Variants in ASTN2 observed in about 807,000 individuals in gnomAD.
ASTN2 encodes the protein astrotactin 2.
ASTN2 carries 54 observed loss-of-function variants against 139.8 expected under a neutral mutation model. The ratio of observed to expected loss-of-function variants is 0.39; its 90% CI spans 0.31 to 0.48. The LOEUF is 0.48. Among genes scored for constraint, ASTN2 ranks in the 20% least tolerant of loss-of-function variants. ASTN2 has a pLI of 0.95. For synonymous variants in ASTN2, 756 were observed against 719.5 expected (o/e 1.05, Z -0.81); for missense variants, 1,565 against 1,725.1 (o/e 0.91, Z 1.64).
intron 11 of ASTN2, among the ~76,000 whole-genome samples, chr9:116,845,000 A>G (rs1236023358): frequency 6.6e-6 from 1 of 152,256 alleles, no homozygotes; most frequent in Admixed American, 6.5e-5. Flanking sequence ...ATGTCTGCAG[A>G]AGAGAAAACT....
chr9:116,531,064 T>C (rs766418543), intron 19 of ASTN2, among the ~76,000 whole-genome samples: 18 of 152,214 alleles, frequency 1.2e-4, no homozygotes, highest in Non-Finnish European at 2.2e-4. Flanking sequence ...AATTACTATG[T>C]ATTAATGTAA....
intron 3 of ASTN2, among the ~76,000 whole-genome samples, chr9:117,144,553 G>C (rs899625595): frequency 1.5e-4 from 22 of 151,686 alleles, no homozygotes; most frequent in African/African-American, 5.1e-4. Context: ...GAAAAGGAGG[G>C]ATTAAGGATG....
At chr9:117,368,338 A>G (rs1564169737) in intron 1 of ASTN2, among the ~76,000 whole-genome samples, 2 of 152,108 alleles carry the variant, frequency 1.3e-5, no homozygotes, top group African/African-American at 2.4e-5. Flanking sequence ...AATACAAACA[A>G]AAGAAGTTAT....
At chr9:116,899,123 G>T (rs145595959) in intron 10 of ASTN2, among the ~76,000 whole-genome samples, 42 of 152,288 alleles carry the variant, frequency 2.8e-4, no homozygotes, top group African/African-American at 1.0e-3. Context: ...CAACCATTCA[G>T]CTACACATGA....
intron 12 of ASTN2, among the ~76,000 whole-genome samples, chr9:116,815,762 C>T (rs563535652): frequency 7.5e-6 from 1 of 133,020 alleles, no homozygotes. Flanking sequence ...TGGAGATCGC[C>T]CCACTGCACT....
intron 4 of ASTN2, among the ~76,000 whole-genome samples, chr9:117,140,562 G>A (rs1447804324): frequency 6.6e-6 from 1 of 151,066 alleles, no homozygotes; most frequent in Non-Finnish European, 1.5e-5. Context: ...AGGAGGAGGA[G>A]GAAGAGAAGT....
At chr9:116,988,168 A>G (rs1836739228) in intron 7 of ASTN2, among the ~76,000 whole-genome samples, 2 of 152,238 alleles carry the variant, frequency 1.3e-5, no homozygotes, top group African/African-American at 4.8e-5. Context: ...GTGGTGAGAG[A>G]CAAATTTAAA....
intron 19 of ASTN2, among the ~76,000 whole-genome samples, chr9:116,599,488 T>C (rs1854758801): frequency 1.3e-5 from 2 of 152,252 alleles, no homozygotes; most frequent in African/African-American, 2.4e-5. Flanking sequence ...CATATATCAT[T>C]TCATCTGTTG....
intron 1 of ASTN2, among the ~76,000 whole-genome samples, chr9:117,351,851 C>G (rs1212918446): frequency 6.6e-6 from 1 of 152,116 alleles, no homozygotes; most frequent in African/African-American, 2.4e-5. Flanking sequence ...AAGGCCAAGA[C>G]AACCAGAGAG....
intron 12 of ASTN2, among the ~76,000 whole-genome samples, chr9:116,814,880 G>A (rs540915720): frequency 6.6e-6 from 1 of 152,278 alleles, no homozygotes; most frequent in African/African-American, 2.4e-5. Flanking sequence ...TGGATATTAC[G>A]TGTTTCCATC....
intron 1 of ASTN2, among the ~76,000 whole-genome samples, chr9:117,350,037 T>A (rs1209852421): frequency 6.6e-6 from 1 of 152,216 alleles, no homozygotes; most frequent in Non-Finnish European, 1.5e-5. Context: ...CATACAAATG[T>A]TGATTTCTTA....
intron 20 of ASTN2, among the ~76,000 whole-genome samples, chr9:116,459,527 T>C (rs957995226): frequency 6.6e-6 from 1 of 152,058 alleles, no homozygotes; most frequent in African/African-American, 2.4e-5. Context: ...AAAGGTGTCA[T>C]GTCTAGAATA....
intron 2 of ASTN2, chr9:117,276,854 A>G (rs923583152): frequency 6.6e-6 from 1 of 152,244 alleles, no homozygotes; most frequent in African/African-American, 2.4e-5. Flanking sequence ...GATGTACCAC[A>G]ATGATCCAAT....
chr9:117,198,790 T>C (rs1274989433), intron 3 of ASTN2, among the ~76,000 whole-genome samples: 1 of 152,126 alleles, frequency 6.6e-6, no homozygotes, highest in East Asian at 1.9e-4. Context: ...CCATATCTCA[T>C]CAGCAACTAT....
intron 6 of ASTN2, among the ~76,000 whole-genome samples, chr9:117,009,861 G>A (rs767310456): frequency 3.3e-5 from 5 of 152,172 alleles, no homozygotes; most frequent in Non-Finnish European, 5.9e-5. Flanking sequence ...GGTCCAATGA[G>A]CAATGGCCAG....
intron 10 of ASTN2, among the ~76,000 whole-genome samples, chr9:116,938,148 C>T (rs1835127972): frequency 6.6e-6 from 1 of 152,150 alleles, no homozygotes; most frequent in Admixed American, 6.5e-5. Context: ...ACTATACTAC[C>T]TTACTTCACC....
intron 11 of ASTN2, among the ~76,000 whole-genome samples, chr9:116,852,135 A>G (rs1440590523): frequency 6.6e-6 from 1 of 152,190 alleles, no homozygotes; most frequent in Non-Finnish European, 1.5e-5. Flanking sequence ...CTGAAAACCA[A>G]GGAAAGCCAG....
intron 2 of ASTN2, among the ~76,000 whole-genome samples, chr9:117,250,460 A>G (rs1833507114): frequency 6.6e-6 from 1 of 152,256 alleles, no homozygotes; most frequent in South Asian, 2.1e-4. Context: ...GTTAATCCCT[A>G]AAACCTATTT....
chr9:117,190,372 T>C (rs911939255), intron 3 of ASTN2, among the ~76,000 whole-genome samples: 1 of 152,114 alleles, frequency 6.6e-6, no homozygotes, highest in African/African-American at 2.4e-5. Context: ...CATAGTACAA[T>C]CTCTATTCTC....
Sources: allele counts gnomAD v4.1 joint callset (sites outside exome capture counted in the v4.1 genomes callset), GRCh38; gene constraint gnomAD v4.1.1; transcripts MANE v1.5; gene names NCBI Gene and HGNC (gene_info 2026-07-23, HGNC 2026-07-21).